Variants in CLIC5 observed in about 807,000 individuals in gnomAD.
CLIC5 encodes the protein chloride intracellular channel protein 5.
Under a neutral mutation model 24.7 loss-of-function variants are expected in CLIC5, and 20 were observed. The ratio of observed to expected loss-of-function variants is 0.81; its 90% confidence interval spans 0.57 to 1.18. CLIC5 has a LOEUF of 1.18. Among genes scored for constraint, CLIC5 ranks in the 50% most tolerant of loss-of-function variants. The probability of loss-of-function intolerance (pLI) is 0.00; values close to 1 mark genes in which losing one functional copy is unlikely to be tolerated. For missense variants in CLIC5, 341 were observed against 326.1 expected, an observed-to-expected ratio of 1.05 and a Z score of -0.35; for synonymous variants, 159 against 135.6, an observed-to-expected ratio of 1.17 and a Z score of -1.20.
the CLIC5 span, among the ~76,000 whole-genome samples, chr6:46,115,557 G>T: frequency 6.6e-6 from 1 of 152,030 alleles, no homozygotes; most frequent in South Asian, 2.1e-4. Context: ...TTTCCATTTT[G>T]TTTGTATGTT....
chr6:45,881,848 C>A (rs555336328), intron 6 of CLIC5, among the ~76,000 whole-genome samples: 4 of 152,228 alleles, frequency 2.6e-5, no homozygotes, highest in South Asian at 4.1e-4. Context: ...AAAGGAAAAC[C>A]AACCTGACCA....
chr6:46,036,477 A>AT (rs1767664617), intron 1 of CLIC5, among the ~76,000 whole-genome samples: 3 of 150,974 alleles, frequency 2.0e-5, no homozygotes, highest in African/African-American at 7.3e-5. Context: ...CGCCCAGCTA[A>AT]TTTTTTGTAT....
chr6:46,052,687 G>T (rs771808652), intron 1 of CLIC5, among the ~76,000 whole-genome samples: 9 of 152,106 alleles, frequency 5.9e-5, no homozygotes, highest in Non-Finnish European at 1.3e-4. Context: ...GAACAACTTT[G>T]CCAGACAGCA....
chr6:45,998,526 G>A (rs1355857639), intron 1 of CLIC5, among the ~76,000 whole-genome samples: 5 of 152,168 alleles, frequency 3.3e-5, no homozygotes, highest in African/African-American at 1.2e-4. Context: ...CTATGGACCT[G>A]GCAACAAAGT....
At chr6:46,045,393 A>G (rs533086711) in intron 1 of CLIC5, among the ~76,000 whole-genome samples, 2 of 152,154 alleles carry the variant, frequency 1.3e-5, no homozygotes, top group South Asian at 2.1e-4. Context: ...TCCTTTTGCA[A>G]TGTGGGAACT....
chr6:46,007,190 A>G (rs1164227572), intron 1 of CLIC5, among the ~76,000 whole-genome samples: 2 of 152,194 alleles, frequency 1.3e-5, no homozygotes, highest in African/African-American at 4.8e-5. Flanking sequence ...ATTCCAAATC[A>G]AACGATTTTA....
intron 1 of CLIC5, among the ~76,000 whole-genome samples, chr6:46,068,880 G>A (rs1762513587): frequency 6.6e-6 from 1 of 152,132 alleles, no homozygotes; most frequent in East Asian, 1.9e-4. Context: ...CCAGTATTGT[G>A]AGAAAGTAAA....
rs1456646136 is a variant in CLIC5, at chr6:45,920,632, G to T, written c.407-6223C>A. The stretch of plus-strand genomic sequence containing the variant: ...TGATGGAAACAAAAAATAATAATAA[G>T]AAGAATATCACCACTTACTCATCTG... On this transcript the variant is annotated intron_variant, in intron 4 of 5. Transcript: ENST00000339561. The T allele has an allele frequency of 6.4e-6, 6 of 942,526 alleles. No individual in the cohort carries two copies. The African/African-American group carries it at 1.1e-4, about 17-fold the overall frequency. 58.4% of individuals were successfully genotyped at this position (942,526 alleles called of 1,614,324 possible).
chr6:45,907,878 T>C (rs1427701825), intron 5 of CLIC5, among the ~76,000 whole-genome samples: 2 of 152,220 alleles, frequency 1.3e-5, no homozygotes, highest in East Asian at 1.9e-4. Context: ...TAACTTCTTC[T>C]TTTCCTACTT....
chr6:45,931,575 AAT>A (rs945264862), intron 4 of CLIC5, among the ~76,000 whole-genome samples: 3 of 152,218 alleles, frequency 2.0e-5, no homozygotes, highest in African/African-American at 7.2e-5. Flanking sequence ...GAAATCAGGC[AAT>A]GTCTTACAAT....
intron 6 of CLIC5, among the ~76,000 whole-genome samples, chr6:45,888,303 G>T (rs2127282285): frequency 6.6e-6 from 1 of 152,240 alleles, no homozygotes; most frequent in South Asian, 2.1e-4. Context: ...GATCTATGTG[G>T]GATGTGGGGC....
chr6:45,884,864 C>T (rs1762291551), intron 6 of CLIC5, among the ~76,000 whole-genome samples: 1 of 151,652 alleles, frequency 6.6e-6, no homozygotes, highest in Non-Finnish European at 1.5e-5. Context: ...GGTCTGGTAC[C>T]CCCAACTCCT....
chr6:45,941,129 G>GA (rs1454119316), intron 4 of CLIC5, among the ~76,000 whole-genome samples: 2 of 152,180 alleles, frequency 1.3e-5, no homozygotes, highest in Non-Finnish European at 2.9e-5. Flanking sequence ...TTGGCCTCTG[G>GA]AAAAATCCCT....
chr6:45,920,309 G>C, intron 4 of CLIC5: 1 of 983,380 alleles, frequency 1.0e-6, no homozygotes, highest in Non-Finnish European at 1.2e-6. Context: ...CTGTCACACG[G>C]GCTGTGTGAC....
chr6:45,963,695 C>T (rs1764925939), intron 1 of CLIC5, among the ~76,000 whole-genome samples: 1 of 151,810 alleles, frequency 6.6e-6, no homozygotes, highest in Non-Finnish European at 1.5e-5. Flanking sequence ...GGAAAGAAAA[C>T]AAGGGAAAAT....
At chr6:45,931,296 C>G (rs945340573) in intron 4 of CLIC5, among the ~76,000 whole-genome samples, 9 of 152,164 alleles carry the variant, frequency 5.9e-5, no homozygotes, top group Admixed American at 1.3e-4. Context: ...GAAGAGCTAC[C>G]TGTTTCCAGG....
chr6:45,904,362 A>G (rs1237513915), intron 5 of CLIC5, among the ~76,000 whole-genome samples: 1 of 152,030 alleles, frequency 6.6e-6, no homozygotes, highest in Non-Finnish European at 1.5e-5. Flanking sequence ...TAATGGGGAC[A>G]GCAGGATGGT....
At chr6:46,076,884 T>A (rs1417658316) in intron 1 of CLIC5, among the ~76,000 whole-genome samples, 4 of 152,202 alleles carry the variant, frequency 2.6e-5, no homozygotes, top group Admixed American at 1.3e-4. Context: ...ATGCCTGTAA[T>A]CCCAGAACTT....
chr6:45,908,692 C>A (rs1361085386), intron 5 of CLIC5, among the ~76,000 whole-genome samples: 2 of 151,866 alleles, frequency 1.3e-5, no homozygotes, highest in Admixed American at 1.3e-4. Flanking sequence ...TATGACTGAG[C>A]ATGTGGTTGA....
Sources: allele counts gnomAD v4.1 joint callset (sites outside exome capture counted in the v4.1 genomes callset), GRCh38; gene constraint gnomAD v4.1.1; transcripts MANE v1.5; gene names NCBI Gene and HGNC (gene_info 2026-07-23, HGNC 2026-07-21).